The following SCRG1 variants were observed in gnomAD, a reference collection of about 807,000 sequenced individuals.
SCRG1 encodes the protein stimulator of chondrogenesis 1.
SCRG1 carries 3 observed loss-of-function variants against 7.7 expected under a neutral mutation model. The observed-to-expected ratio is 0.39, with a 90% CI of 0.18 to 1.01. The LOEUF is 1.01. SCRG1 is among the 50% of genes least tolerant of loss of function. The probability of loss-of-function intolerance (pLI) is 0.36; values close to 1 mark genes in which losing one functional copy is unlikely to be tolerated. For synonymous variants in SCRG1, 46 were observed against 41.2 expected, an observed-to-expected ratio of 1.12 and a Z score of -0.44; for missense variants, 110 against 117.2, an observed-to-expected ratio of 0.94 and a Z score of 0.28.
the SCRG1 span, among the ~76,000 whole-genome samples, chr4:173,516,662 A>G: frequency 3.9e-5 from 6 of 152,310 alleles, no homozygotes; most frequent in Non-Finnish European, 7.4e-5. Flanking sequence ...AACCCCGTCT[A>G]CTGCGTAAGA....
At chr4:173,437,596 G>C in the SCRG1 span, among the ~76,000 whole-genome samples, 1 of 152,186 alleles carries the variant, frequency 6.6e-6, no homozygotes, top group African/African-American at 2.4e-5. Flanking sequence ...CACCCAATTA[G>C]AGTGGTAATT....
the SCRG1 span, among the ~76,000 whole-genome samples, chr4:173,489,727 A>G: frequency 6.6e-6 from 1 of 152,214 alleles, no homozygotes; most frequent in Admixed American, 6.5e-5. Flanking sequence ...TAGATAAAAC[A>G]TACTTGAAAA....
the SCRG1 span, among the ~76,000 whole-genome samples, chr4:173,423,041 T>G: frequency 6.6e-6 from 1 of 152,170 alleles, no homozygotes; most frequent in African/African-American, 2.4e-5. Flanking sequence ...ACTTCGGTGA[T>G]TCACGATTCA....
the SCRG1 span, among the ~76,000 whole-genome samples, chr4:173,456,276 AAT>A: frequency 6.6e-5 from 10 of 152,238 alleles, no homozygotes. Flanking sequence ...TTTGATTGAA[AAT>A]ATATACTGAA....
upstream of SCRG1, among the ~76,000 whole-genome samples, chr4:173,409,631 C>A (rs1354127412): frequency 2.7e-5 from 4 of 150,658 alleles, no homozygotes; most frequent in Non-Finnish European, 5.9e-5. Flanking sequence ...CTCTGTTGCC[C>A]ATGCTGGAGT....
chr4:173,454,825 A>G, the SCRG1 span, among the ~76,000 whole-genome samples: 7 of 152,230 alleles, frequency 4.6e-5, no homozygotes, highest in Non-Finnish European at 8.8e-5. Flanking sequence ...ACCAGGTTCA[A>G]TGTGAGAAAG....
At chr4:173,414,877 C>A in the SCRG1 span, among the ~76,000 whole-genome samples, 2 of 152,160 alleles carry the variant, frequency 1.3e-5, no homozygotes, top group Non-Finnish European at 2.9e-5. Context: ...TCGTGCACTC[C>A]TTGGTGGGCA....
At chr4:173,392,144 G>A (rs1366842634) in intron 1 of SCRG1, among the ~76,000 whole-genome samples, 1 of 151,996 alleles carries the variant, frequency 6.6e-6, no homozygotes, top group African/African-American at 2.4e-5. Flanking sequence ...AAAGTACCTG[G>A]GTCCCATCCT....
chr4:173,430,600 G>A, the SCRG1 span, among the ~76,000 whole-genome samples: 1 of 151,962 alleles, frequency 6.6e-6, no homozygotes, highest in Non-Finnish European at 1.5e-5. Flanking sequence ...ACCTGCCTGG[G>A]CAACATACTG....
the SCRG1 span, among the ~76,000 whole-genome samples, chr4:173,495,979 G>C: frequency 1.3e-5 from 2 of 152,236 alleles, no homozygotes; most frequent in East Asian, 3.9e-4. Flanking sequence ...GAATCCTTCT[G>C]ATAAAGATGG....
At chr4:173,428,853 A>G in the SCRG1 span, among the ~76,000 whole-genome samples, 27 of 152,360 alleles carry the variant, frequency 1.8e-4, no homozygotes, top group East Asian at 4.8e-3. Context: ...TTCAAAAATC[A>G]TAAGGCCTTC....
At chr4:173,497,372 G>A in the SCRG1 span, among the ~76,000 whole-genome samples, 1 of 151,952 alleles carries the variant, frequency 6.6e-6, no homozygotes. Flanking sequence ...GGTTTTTTTA[G>A]CCTCCAAGTT....
chr4:173,437,916 C>T, the SCRG1 span, among the ~76,000 whole-genome samples: 1 of 152,142 alleles, frequency 6.6e-6, no homozygotes, highest in Non-Finnish European at 1.5e-5. Flanking sequence ...TCACACTGAA[C>T]TTAGCTTTCC....
intron 1 of SCRG1, among the ~76,000 whole-genome samples, chr4:173,395,318 T>C (rs1190424689): frequency 6.6e-6 from 1 of 152,260 alleles, no homozygotes; most frequent in Admixed American, 6.5e-5. Context: ...TTGGCCCATA[T>C]TTGAAAATGA....
chr4:173,489,657 A>C, the SCRG1 span, among the ~76,000 whole-genome samples: 1 of 152,224 alleles, frequency 6.6e-6, no homozygotes, highest in Non-Finnish European at 1.5e-5. Context: ...AGAAGAAGAC[A>C]TTCTACCTCT....
the SCRG1 span, among the ~76,000 whole-genome samples, chr4:173,440,583 C>G: frequency 6.6e-6 from 1 of 152,184 alleles, no homozygotes; most frequent in Non-Finnish European, 1.5e-5. Flanking sequence ...CACGAAAAGA[C>G]ATATCCAATA....
chr4:173,410,683 C>T (rs866651840), upstream of SCRG1, among the ~76,000 whole-genome samples: 1 of 152,126 alleles, frequency 6.6e-6, no homozygotes. Context: ...CTAAACTGAT[C>T]GAGATCCCTA....
At chr4:173,423,778 AGT>A in the SCRG1 span, among the ~76,000 whole-genome samples, 3 of 151,858 alleles carry the variant, frequency 2.0e-5, no homozygotes, top group African/African-American at 7.3e-5. Flanking sequence ...CAGACTGGGT[AGT>A]TTATAAAGAA....
the SCRG1 span, among the ~76,000 whole-genome samples, chr4:173,484,438 TATGATATATAA>T: frequency 2.6e-4 from 11 of 41,996 alleles, no homozygotes; most frequent in African/African-American, 7.6e-4. Flanking sequence ...ATTATATACA[TATGATATATAA>T]TATATATTAT....
Sources: gnomAD v4.1 joint callset for allele counts (sites outside exome capture counted in the v4.1 genomes callset) on GRCh38, gnomAD v4.1.1 for gene constraint, MANE v1.5 for transcripts, NCBI Gene and HGNC (gene_info 2026-07-23, HGNC 2026-07-21) for gene names.